The following GALNT14 variants were observed in gnomAD, a reference collection of about 807,000 sequenced individuals.
GALNT14 encodes polypeptide N-acetylgalactosaminyltransferase 14.
Under a neutral mutation model 77.5 loss-of-function variants are expected in GALNT14, and 60 were observed. The ratio of observed to expected loss-of-function variants is 0.77; its 90% CI spans 0.63 to 0.96. GALNT14 has a LOEUF of 0.96. Among genes scored for constraint, GALNT14 ranks in the 40% least tolerant of loss-of-function variants. The pLI, the probability that GALNT14 is intolerant of heterozygous loss-of-function variation, is 0.00. For synonymous variants in GALNT14, 280 were observed against 281.7 expected (o/e 0.99, Z 0.06); for missense variants, 710 against 731.0 (o/e 0.97, Z 0.33).
chr2:30,975,410 T>C (rs1668574568), intron 2 of GALNT14, among the ~76,000 whole-genome samples: 1 of 152,234 alleles, frequency 6.6e-6, no homozygotes. Context: ...ACTGTAAATG[T>C]GTCTGCTCTG....
intron 11 of GALNT14, among the ~76,000 whole-genome samples, chr2:30,928,576 T>C (rs895367377): frequency 6.6e-6 from 1 of 152,140 alleles, no homozygotes; most frequent in Non-Finnish European, 1.5e-5. Context: ...AGATGCCTTA[T>C]GTAATGGTAT....
chr2:31,027,388 G>A (rs1672129262), intron 1 of GALNT14, among the ~76,000 whole-genome samples: 2 of 145,354 alleles, frequency 1.4e-5, no homozygotes, highest in South Asian at 4.3e-4. Context: ...TTGCACTCCA[G>A]CCTAGGCAAC....
chr2:31,077,950 G>A (rs1279554396), intron 1 of GALNT14, among the ~76,000 whole-genome samples: 1 of 152,216 alleles, frequency 6.6e-6, no homozygotes, highest in Non-Finnish European at 1.5e-5. Flanking sequence ...ACAAAATAGA[G>A]TTGTGGAGCC....
At chr2:30,987,405 G>C (rs1028814156) in intron 2 of GALNT14, among the ~76,000 whole-genome samples, 1 of 152,160 alleles carries the variant, frequency 6.6e-6, no homozygotes, top group Non-Finnish European at 1.5e-5. Flanking sequence ...GAAATCCTAA[G>C]AAAGGCTCAA....
chr2:31,071,794 C>T (rs1558546501), intron 1 of GALNT14, among the ~76,000 whole-genome samples: 1 of 152,234 alleles, frequency 6.6e-6, no homozygotes, highest in African/African-American at 2.4e-5. Flanking sequence ...GCAGGACGGA[C>T]TGCAGAGTTT....
chr2:30,897,383 C>T, the GALNT14 span, among the ~76,000 whole-genome samples: 1 of 152,182 alleles, frequency 6.6e-6, no homozygotes, highest in Non-Finnish European at 1.5e-5. Context: ...AGTAGAAGCC[C>T]AGGCTGGACT....
chr2:31,053,698 T>C (rs1207521478), intron 1 of GALNT14, among the ~76,000 whole-genome samples: 1 of 152,162 alleles, frequency 6.6e-6, no homozygotes, highest in Non-Finnish European at 1.5e-5. Flanking sequence ...ATTCTCCTAT[T>C]GCTGCTTCCC....
rs766040667 is a variant in GALNT14 at position 30,911,092 on chromosome 2, GGT to G, written c.1501-35_1501-34del. The G allele has an allele frequency of 5.0e-6, 8 of 1,602,788 alleles. 1 individual carries two copies. The highest frequency in any genetic ancestry group is 4.5e-5 in the East Asian group (2 of 44,690). The stretch of plus-strand genomic sequence containing the variant: ...GACAAAGAAGAGAGTGAATGAACTA[GGT>G]GCCATCAGTAACATGGGAGTTCCAG... On this transcript the variant is annotated intron_variant, in intron 14 of 14. Coordinates refer to ENST00000349752, the MANE Select transcript of GALNT14 (RefSeq NM_024572.4).
At chr2:30,901,767 T>C in the GALNT14 span, among the ~76,000 whole-genome samples, 4 of 152,124 alleles carry the variant, frequency 2.6e-5, no homozygotes, top group African/African-American at 7.2e-5. Context: ...CAGATGTGCA[T>C]ACTGTTTCCA....
chr2:30,923,974 G>A (rs951988444), intron 13 of GALNT14, 145 bp downstream of exon 13: 7 of 886,922 alleles, frequency 7.9e-6, no homozygotes, highest in Middle Eastern at 3.1e-4. Context: ...AGAGTGGGGG[G>A]ATCACACCTC....
chr2:30,938,384 A>ACTCT (rs1553339835), intron 9 of GALNT14, among the ~76,000 whole-genome samples: 29 of 141,780 alleles, frequency 2.0e-4, no homozygotes, highest in East Asian at 8.2e-4. Context: ...ACACACACAC[A>ACTCT]CTCTCTCTCT....
chr2:31,035,652 C>CAA (rs1672695276), intron 1 of GALNT14, among the ~76,000 whole-genome samples: 1 of 132,828 alleles, frequency 7.5e-6, no homozygotes, highest in Non-Finnish European at 1.6e-5. Context: ...CACACACACA[C>CAA]ACACACTATG....
chr2:31,035,630 C>T lies in GALNT14; in HGVS notation c.130-42623G>A, dbSNP rs927689600. ...ACACACACACACCTACACACACACA[C>T]ACACACACACACACACACACACACA... On this transcript the variant is annotated intron_variant, in intron 1 of 14. Transcript: ENST00000349752. Among the ~76,000 whole-genome samples the T allele has an allele frequency of 9.0e-4, 129 of 142,622 alleles. 1 individual carries two copies. The highest frequency in any genetic ancestry group is 3.1e-3 in the African/African-American group (120 of 38,558). The allele number at this position is 142,622 out of a possible 152,430, so 93.6% of individuals were successfully genotyped here.
At chr2:31,070,571 G>A (rs937656237) in intron 1 of GALNT14, among the ~76,000 whole-genome samples, 7 of 152,212 alleles carry the variant, frequency 4.6e-5, no homozygotes, top group East Asian at 1.9e-4. Flanking sequence ...ATTTATCGGC[G>A]TGCCCAAGGG....
chr2:30,945,870 C>G lies in GALNT14; in HGVS notation c.655G>C (p.Asp219His). ...ACAGGGCACACCACCCGCGTGTAGT[C>G]CTGTAAGACAACAGACCCGCACTTA... Reference protein sequence around the residue: ...LQPLLHRVKEDYTRVVCPVID... With the variant: ...LQPLLHRVKEHYTRVVCPVID... Residue 219 changes from aspartate (D) to histidine (H), a missense_variant and splice_region_variant, in exon 7 of 15, where the codon GAC becomes CAC. By Grantham distance (81) the Asp-to-His change is moderately conservative. Coordinates refer to ENST00000349752, the MANE Select transcript of GALNT14 (RefSeq NM_024572.4). 6.2e-7 allele frequency: 1 copy of G among 1,613,922 alleles called. No individual in the cohort carries two copies. The highest frequency in any genetic ancestry group is 8.5e-7 in the Non-Finnish European group (1 of 1,179,840).
intron 1 of GALNT14, among the ~76,000 whole-genome samples, chr2:31,058,866 T>C (rs1165501492): frequency 6.6e-6 from 1 of 151,858 alleles, no homozygotes; most frequent in Non-Finnish European, 1.5e-5. Flanking sequence ...CCAGGCTGAG[T>C]TCTCAAGTTT....
intron 1 of GALNT14, among the ~76,000 whole-genome samples, chr2:31,012,845 G>A (rs1671116628): frequency 6.6e-6 from 1 of 151,970 alleles, no homozygotes; most frequent in South Asian, 2.1e-4. Flanking sequence ...TAAACAAATG[G>A]AAGGAAATTA....
chr2:31,025,556 C>A (rs1671990758), intron 1 of GALNT14, among the ~76,000 whole-genome samples: 1 of 152,132 alleles, frequency 6.6e-6, no homozygotes, highest in Non-Finnish European at 1.5e-5. Context: ...AGAGAAAACA[C>A]CGGCAGGCTT....
chr2:30,902,574 T>C, the GALNT14 span, among the ~76,000 whole-genome samples: 2 of 152,156 alleles, frequency 1.3e-5, no homozygotes, highest in Non-Finnish European at 2.9e-5. Context: ...GGCTGAGGCC[T>C]TTATTCCTTT....
Sources: allele counts gnomAD v4.1 joint callset (sites outside exome capture counted in the v4.1 genomes callset), GRCh38; gene constraint gnomAD v4.1.1; transcripts MANE v1.5; gene names NCBI Gene and HGNC (gene_info 2026-07-23, HGNC 2026-07-21).